The following PTPRD variants were observed in gnomAD, a reference collection of about 807,000 sequenced individuals.
PTPRD encodes receptor-type tyrosine-protein phosphatase delta.
PTPRD carries 34 observed loss-of-function variants against 214.5 expected under a neutral mutation model. That is an observed-to-expected ratio of 0.16 (90% confidence interval 0.12 to 0.21). The LOEUF is 0.21. Among genes scored for constraint, PTPRD ranks in the 10% least tolerant of loss-of-function variants. The pLI is 1.00. For missense variants in PTPRD, 2,545 were observed against 2,398.7 expected, an observed-to-expected ratio of 1.06 and a Z score of -1.27; for synonymous variants, 1,128 against 845.7, an observed-to-expected ratio of 1.33 and a Z score of -5.79.
intron 5 of PTPRD, among the ~76,000 whole-genome samples, chr9:9,802,238 T>C (rs1235615452): frequency 6.6e-6 from 1 of 151,952 alleles, no homozygotes; most frequent in African/African-American, 2.4e-5. Context: ...AATGGAAGTG[T>C]TTGAGATCAA....
intron 4 of PTPRD, among the ~76,000 whole-genome samples, chr9:9,998,127 A>ATATATATATATATATAT (rs1231969776): frequency 1.0e-3 from 55 of 55,170 alleles, no homozygotes; most frequent in African/African-American, 3.1e-3. Flanking sequence ...AAAAAAAAAA[A>ATATATATATATATATAT]AAATATATAT....
intron 2 of PTPRD, among the ~76,000 whole-genome samples, chr9:10,428,265 G>A (rs1041230024): frequency 4.6e-5 from 7 of 152,064 alleles, no homozygotes; most frequent in Non-Finnish European, 7.4e-5. Context: ...GTTGCAGCGA[G>A]CTGAGATCAT....
intron 14 of PTPRD, among the ~76,000 whole-genome samples, chr9:8,529,841 G>A (rs1345180667): frequency 1.3e-5 from 2 of 152,064 alleles, no homozygotes; most frequent in Non-Finnish European, 2.9e-5. Flanking sequence ...TGCACAACGT[G>A]CAGGTTTGTT....
intron 21 of PTPRD, among the ~76,000 whole-genome samples, chr9:8,516,798 CTTTTTTTTTTTTTT>C (rs71500960): frequency 2.8e-5 from 3 of 107,888 alleles, no homozygotes; most frequent in Non-Finnish European, 5.4e-5. Context: ...CAAGAATAAA[CTTTTTTTTTTTTTT>C]TTTTTTTTTT....
intron 10 of PTPRD, among the ~76,000 whole-genome samples, chr9:9,048,648 G>A (rs577163298): frequency 1.2e-4 from 19 of 152,200 alleles, no homozygotes; most frequent in South Asian, 8.3e-4. Context: ...AATGGTTACC[G>A]GGGGCTAGGA....
intron 12 of PTPRD, among the ~76,000 whole-genome samples, chr9:8,726,020 CAG>C (rs1370727360): frequency 5.0e-5 from 7 of 139,774 alleles, no homozygotes; most frequent in African/African-American, 1.8e-4. Flanking sequence ...GACAGACAGA[CAG>C]ACAGACACAC....
At chr9:10,217,714 GAAATTCA>G (rs1401939917) in intron 3 of PTPRD, among the ~76,000 whole-genome samples, 1 of 151,956 alleles carries the variant, frequency 6.6e-6, no homozygotes. Context: ...CATGATGTAA[GAAATTCA>G]ACTACATGTA....
intron 11 of PTPRD, among the ~76,000 whole-genome samples, chr9:8,891,558 T>G (rs1251853715): frequency 6.6e-6 from 1 of 152,076 alleles, no homozygotes; most frequent in East Asian, 1.9e-4. Context: ...AGCGTACAAT[T>G]TGATACAAAA....
chr9:9,415,975 T>A (rs1569568124), intron 8 of PTPRD, among the ~76,000 whole-genome samples: 1 of 152,164 alleles, frequency 6.6e-6, no homozygotes, highest in Non-Finnish European at 1.5e-5. Flanking sequence ...ATGTCTAAGT[T>A]TATTTACAGG....
intron 8 of PTPRD, among the ~76,000 whole-genome samples, chr9:9,458,996 A>G (rs1316984452): frequency 6.6e-6 from 1 of 152,004 alleles, no homozygotes; most frequent in Non-Finnish European, 1.5e-5. Flanking sequence ...TCAGAGTTGC[A>G]GGTGAATGGT....
At chr9:8,454,778 A>C (rs1452738415) in intron 33 of PTPRD, among the ~76,000 whole-genome samples, 1 of 151,854 alleles carries the variant, frequency 6.6e-6, no homozygotes, top group Non-Finnish European at 1.5e-5. Flanking sequence ...TATGAACTAA[A>C]CAGAGGACAT....
At position 8,499,847 on chromosome 9, in the gene PTPRD, C is replaced by G. The variant is rs777174424; in HGVS notation, c.2129-7G>C. On this transcript the variant is annotated splice_region_variant and splice_polypyrimidine_tract_variant and intron_variant, in intron 24 of 45. Coordinates refer to ENST00000381196, the MANE Select transcript of PTPRD (RefSeq NM_002839.4). ...CGAGGAGGACCACTAGGAACTGGAA[C>G]AACATCATTGGATAAAAGAAATTAT... The G allele has an allele frequency of 6.2e-7, 1 of 1,600,984 alleles. No individual in the cohort carries two copies. Among genetic ancestry groups the G allele is most frequent in the African/African-American group, 1.3e-5 (1 of 74,420 alleles).
intron 10 of PTPRD, among the ~76,000 whole-genome samples, chr9:9,095,483 T>C (rs539455555): frequency 6.6e-6 from 1 of 152,186 alleles, no homozygotes; most frequent in African/African-American, 2.4e-5. Flanking sequence ...TCAACACATT[T>C]GTAGTATATT....
chr9:10,298,430 C>T (rs780380139), intron 3 of PTPRD, among the ~76,000 whole-genome samples: 44 of 152,130 alleles, frequency 2.9e-4, no homozygotes, highest in African/African-American at 7.7e-4. Context: ...TTTCCAATAA[C>T]GATAAAAGAA....
chr9:10,019,549 T>C (rs2096799873), intron 4 of PTPRD, among the ~76,000 whole-genome samples: 1 of 152,162 alleles, frequency 6.6e-6, no homozygotes, highest in African/African-American at 2.4e-5. Flanking sequence ...AATGATAGAC[T>C]GGATTAAGAA....
At chr9:9,986,177 C>G (rs995947076) in intron 4 of PTPRD, among the ~76,000 whole-genome samples, 8 of 152,036 alleles carry the variant, frequency 5.3e-5, no homozygotes, top group African/African-American at 1.7e-4. Flanking sequence ...AAAATTGGTA[C>G]AAAGTTCTGT....
At position 8,518,133 on chromosome 9, in the gene PTPRD, C is replaced by T. The variant is rs1412991544; in HGVS notation, c.1258G>A (p.Ala420Thr). The change falls in exon 21 of 46, where the codon GCC becomes ACC. Residue 420 changes from alanine (A) to threonine (T), a missense_variant. Physicochemically the swap from Ala to Thr is moderately conservative, Grantham distance 58. Transcript: ENST00000381196. ...ATTCGTGCCTGGACATCCCTCGGGGCACTGGATGGTGCTTGCTCTGAGGTT... is the reference window on the plus strand; with the variant it reads ...ATTCGTGCCTGGACATCCCTCGGGGTACTGGATGGTGCTTGCTCTGAGGTT... ...TQTSEQAPSS[A>T]PRDVQARMLS... 6.2e-7 allele frequency: 1 copy of T among 1,614,168 alleles called. No homozygotes were observed. Among genetic ancestry groups the T allele is most frequent in the Non-Finnish European group, 8.5e-7 (1 of 1,180,026 alleles).
At chr9:9,676,787 G>C (rs940258810) in intron 7 of PTPRD, among the ~76,000 whole-genome samples, 10 of 152,172 alleles carry the variant, frequency 6.6e-5, no homozygotes, top group African/African-American at 2.4e-4. Context: ...TCCAGCACCT[G>C]TTGTTTCCTG....
chr9:9,046,519 G>A (rs1163508835), intron 10 of PTPRD, among the ~76,000 whole-genome samples: 1 of 152,094 alleles, frequency 6.6e-6, no homozygotes. Context: ...AAAAAGAAGA[G>A]CATTTATGCA....
Sources: allele counts gnomAD v4.1 joint callset (sites outside exome capture counted in the v4.1 genomes callset), GRCh38; gene constraint gnomAD v4.1.1; transcripts MANE v1.5; gene names NCBI Gene and HGNC (gene_info 2026-07-23, HGNC 2026-07-21).